The following ASTN2 variants were observed in gnomAD, a reference collection of about 807,000 sequenced individuals.
ASTN2 encodes the protein astrotactin-2.
ASTN2 carries 54 observed loss-of-function variants against 139.8 expected under a neutral mutation model. The observed-to-expected ratio is 0.39, with a 90% CI of 0.31 to 0.48. The LOEUF (loss-of-function observed/expected upper bound fraction) is 0.48, where lower values mean the gene tolerates loss of function less well. ASTN2 is among the 20% of genes least tolerant of loss of function. The probability of loss-of-function intolerance (pLI) is 0.95; values close to 1 mark genes in which losing one functional copy is unlikely to be tolerated. For synonymous variants in ASTN2, 756 were observed against 719.5 expected, an observed-to-expected ratio of 1.05 and a Z score of -0.81; for missense variants, 1,565 against 1,725.1, an observed-to-expected ratio of 0.91 and a Z score of 1.64.
intron 10 of ASTN2, among the ~76,000 whole-genome samples, chr9:116,944,740 G>A (rs1835339546): frequency 6.7e-6 from 1 of 148,676 alleles, no homozygotes; most frequent in Non-Finnish European, 1.5e-5. Flanking sequence ...AGTAGGGTAT[G>A]TTTGGGAAGC....
intron 13 of ASTN2, among the ~76,000 whole-genome samples, chr9:116,773,465 G>A (rs1035434315): frequency 1.3e-5 from 2 of 152,152 alleles, no homozygotes; most frequent in Non-Finnish European, 2.9e-5. Context: ...TCACAGAAAT[G>A]GTGGTAGCTT....
At chr9:116,898,282 G>A (rs373983925) in intron 10 of ASTN2, among the ~76,000 whole-genome samples, 6 of 151,866 alleles carry the variant, frequency 4.0e-5, no homozygotes, top group East Asian at 3.9e-4. Flanking sequence ...GGTGGTGTAT[G>A]CTTGTGGTCT....
At chr9:117,147,701 A>C (rs1040506469) in intron 3 of ASTN2, among the ~76,000 whole-genome samples, 3 of 152,150 alleles carry the variant, frequency 2.0e-5, no homozygotes, top group Non-Finnish European at 4.4e-5. Context: ...CAACCTGGAA[A>C]GTTAAGTATT....
At chr9:116,789,920 CTTTTTTT>C (rs57433960) in intron 13 of ASTN2, among the ~76,000 whole-genome samples, 1 of 93,336 alleles carries the variant, frequency 1.1e-5, no homozygotes, top group Non-Finnish European at 2.1e-5. Flanking sequence ...TTCTCTTTCT[CTTTTTTT>C]TTTTTTTTTT....
intron 20 of ASTN2, among the ~76,000 whole-genome samples, chr9:116,477,077 C>A (rs1849004002): frequency 6.6e-6 from 1 of 152,104 alleles, no homozygotes; most frequent in Admixed American, 6.5e-5. Context: ...AGTCTGTGCC[C>A]TGTCCCTCTG....
At chr9:117,185,513 C>A (rs1831174706) in intron 3 of ASTN2, among the ~76,000 whole-genome samples, 1 of 152,192 alleles carries the variant, frequency 6.6e-6, no homozygotes, top group Admixed American at 6.5e-5. Context: ...ACTCCACCAT[C>A]CTGATAAAGC....
rs1831345383 is a variant in ASTN2 at position 117,191,394 on chromosome 9, CAG to C, written c.1015+22962_1015+22963del. Among the ~76,000 whole-genome samples the C allele has an allele frequency of 2.6e-5, 4 of 151,844 alleles. No homozygotes were observed. In the South Asian group the frequency reaches 6.2e-4, roughly 24 times the overall value. On this transcript the variant is annotated intron_variant, in intron 3 of 22. Coordinates refer to ENST00000313400, the MANE Select transcript of ASTN2 (RefSeq NM_001365068.1). ...CTTTCAATATATAAAAGGGAAAAGA[CAG>C]AAAAAATTAGTAAAAAGTTACTGTG...
At chr9:116,864,073 C>T (rs1003433411) in intron 10 of ASTN2, among the ~76,000 whole-genome samples, 6 of 152,056 alleles carry the variant, frequency 3.9e-5, no homozygotes, top group East Asian at 3.9e-4. Flanking sequence ...ACAATGTGAC[C>T]GAAGTGAAGT....
chr9:116,838,487 G>C (rs1008696568), intron 11 of ASTN2, among the ~76,000 whole-genome samples: 2 of 151,670 alleles, frequency 1.3e-5, no homozygotes, highest in African/African-American at 4.8e-5. Context: ...GCAATGGCAC[G>C]ATCTCGACTC....
chr9:117,086,203 G>A (rs1199247528), intron 5 of ASTN2, among the ~76,000 whole-genome samples: 1 of 152,056 alleles, frequency 6.6e-6, no homozygotes, highest in Non-Finnish European at 1.5e-5. Context: ...ATTCTACCTT[G>A]CTGGTCTACA....
chr9:117,221,942 T>C (rs1832535792), intron 2 of ASTN2, among the ~76,000 whole-genome samples: 1 of 152,078 alleles, frequency 6.6e-6, no homozygotes, highest in South Asian at 2.1e-4. Flanking sequence ...AGACAGAATA[T>C]GCAGCCGACT....
At chr9:116,592,195 C>T (rs1309066335) in intron 19 of ASTN2, among the ~76,000 whole-genome samples, 3 of 152,112 alleles carry the variant, frequency 2.0e-5, no homozygotes, top group African/African-American at 7.2e-5. Flanking sequence ...TCCATTCTTG[C>T]GTTGCTATAA....
At position 116,530,132 on chromosome 9, in the gene ASTN2, T is replaced by TCAATATATCAATATCA. The variant is rs1564345776; in HGVS notation, c.3356-42633_3356-42632insTGATATTGATATATTG. On this transcript the variant is annotated intron_variant, in intron 19 of 22. Coordinates refer to ENST00000313400, the MANE Select transcript of ASTN2 (RefSeq NM_001365068.1). ...ATATATATATATATATATATATATA[T>TCAATATATCAATATCA]ATATATATATATATATATAAAATAG... Among the ~76,000 whole-genome samples, 25 of 29,416 alleles carry TCAATATATCAATATCA rather than the reference T, an allele frequency of 8.5e-4. 3 individuals carry two copies. In the East Asian group the frequency reaches 0.016, roughly 18 times the overall value. The allele number at this position is 29,416 out of a possible 152,430, so 19.3% of individuals were successfully genotyped here.
intron 1 of ASTN2, among the ~76,000 whole-genome samples, chr9:117,306,497 C>T (rs144427754): frequency 1.4e-3 from 206 of 152,246 alleles, no homozygotes; most frequent in Non-Finnish European, 2.2e-3. Context: ...ACCCGGGGAA[C>T]GCACTTCCCT....
intron 10 of ASTN2, among the ~76,000 whole-genome samples, chr9:116,941,850 A>G (rs1157916011): frequency 6.6e-6 from 1 of 152,088 alleles, no homozygotes; most frequent in Non-Finnish European, 1.5e-5. Context: ...CAGAGTTGAG[A>G]CTATTGGATC....
intron 20 of ASTN2, among the ~76,000 whole-genome samples, chr9:116,459,503 A>G (rs1382243694): frequency 1.3e-5 from 2 of 152,110 alleles, no homozygotes; most frequent in African/African-American, 4.8e-5. Context: ...ATGTTTACAG[A>G]TTTCATATCT....
intron 16 of ASTN2, among the ~76,000 whole-genome samples, chr9:116,723,611 A>G (rs2132113361): frequency 6.6e-6 from 1 of 152,320 alleles, no homozygotes; most frequent in African/African-American, 2.4e-5. Context: ...GATACTAGCT[A>G]TCTTTAAGTC....
At chr9:116,660,852 A>G (rs1303252274) in intron 16 of ASTN2, among the ~76,000 whole-genome samples, 1 of 152,220 alleles carries the variant, frequency 6.6e-6, no homozygotes, top group Admixed American at 6.5e-5. Flanking sequence ...AAATGGGGAT[A>G]CTAACTCCTC....
intron 4 of ASTN2, among the ~76,000 whole-genome samples, chr9:117,133,515 TTTGA>T (rs1308030898): frequency 6.6e-6 from 1 of 152,184 alleles, no homozygotes; most frequent in Non-Finnish European, 1.5e-5. Context: ...ATGAAGCCAG[TTTGA>T]TTAATTGTCC....
Sources: gnomAD v4.1 joint callset for allele counts (sites outside exome capture counted in the v4.1 genomes callset) on GRCh38, gnomAD v4.1.1 for gene constraint, MANE v1.5 for transcripts, NCBI Gene and HGNC (gene_info 2026-07-23, HGNC 2026-07-21) for gene names.